Variants in PDIK1L observed in about 807,000 individuals in gnomAD.
The protein encoded by PDIK1L is PDLIM1 interacting kinase 1 like, also known as serine/threonine-protein kinase PDIK1L.
PDIK1L carries 9 observed loss-of-function variants against 27.1 expected under a neutral mutation model. The observed-to-expected ratio is 0.33, with a 90% confidence interval of 0.20 to 0.58. The LOEUF (loss-of-function observed/expected upper bound fraction) is 0.58. Ranked by LOEUF, PDIK1L falls within the 20% of genes least tolerant of loss-of-function variation. The pLI is 0.86. For missense variants in PDIK1L, 216 were observed against 413.2 expected, an observed-to-expected ratio of 0.52 and a Z score of 4.14; for synonymous variants, 130 against 141.7, an observed-to-expected ratio of 0.92 and a Z score of 0.59.
At chr1:26,116,650 T>C (rs1307131999) in intron 2 of PDIK1L, among the ~76,000 whole-genome samples, 1 of 152,238 alleles carries the variant, frequency 6.6e-6, no homozygotes, top group African/African-American at 2.4e-5. Flanking sequence ...AGTATTAGTC[T>C]TGAGAACTTA....
chr1:26,119,357 A>G (rs1489479484), intron 2 of PDIK1L, among the ~76,000 whole-genome samples: 2 of 151,722 alleles, frequency 1.3e-5, no homozygotes, highest in African/African-American at 4.8e-5. Context: ...GCGGTGAGCC[A>G]TGATGGTGCC....
Position 26,122,678 on chromosome 1 carries a change from C to A in PDIK1L, c.*101C>A. On this transcript the variant is annotated 3_prime_UTR_variant, in exon 3 of 3. Transcript: ENST00000374269. The surrounding 1 kb of genome is among the most constrained non-coding windows in gnomAD (Gnocchi z 5.4). ...AGAATATAAAAAGCTAGACTCTACCCTCTAAGGGTTTAGATTTTTTGTGGG... is the reference window on the plus strand; with the variant it reads ...AGAATATAAAAAGCTAGACTCTACCATCTAAGGGTTTAGATTTTTTGTGGG... 1 of 1,339,904 alleles carries A rather than the reference C, an allele frequency of 7.5e-7. No individual in the cohort carries two copies. Among genetic ancestry groups the A allele is most frequent in the Non-Finnish European group, 9.8e-7 (1 of 1,018,656 alleles). The allele number at this position is 1,339,904 out of a possible 1,614,324, so 83.0% of individuals were successfully genotyped here.
chr1:26,112,928 A>G lies in PDIK1L; in HGVS notation c.-18+1013A>G, dbSNP rs758166542. Among the ~76,000 whole-genome samples, 14 of 152,250 alleles carry G rather than the reference A, an allele frequency of 9.2e-5. 1 individual carries two copies. The highest frequency in any genetic ancestry group is 1.9e-4 in the Non-Finnish European group (13 of 68,034). On this transcript the variant is annotated intron_variant, in intron 1 of 2. Coordinates refer to ENST00000374269, the MANE Select transcript of PDIK1L (RefSeq NM_152835.5). ...AGGAAGCCCACTTTAGACTTTCTCCATTCAACACATGAGCATTTCTGTGCA... is the reference window on the plus strand; with the variant it reads ...AGGAAGCCCACTTTAGACTTTCTCCGTTCAACACATGAGCATTTCTGTGCA...
rs1217287526 is a variant in PDIK1L, at chr1:26,122,831, C to A, written c.*254C>A. 9.8e-6 allele frequency: 3 copies of A among 306,342 alleles called. No homozygotes were observed. The highest frequency in any genetic ancestry group is 2.2e-5 in the African/African-American group (1 of 46,144). The allele number at this position is 306,342 out of a possible 1,614,324, so 19.0% of individuals were successfully genotyped here. On this transcript the variant is annotated 3_prime_UTR_variant, in exon 3 of 3. Transcript: ENST00000374269. This position sits in a 1 kb window ranked among gnomAD's most constrained non-coding sequence, Gnocchi z 5.4. ...TTGATAGAAGTTTGGCAGGAAAATT[C>A]TTTAAGAGCTAACAAGAGAAGAGAG...
intron 1 of PDIK1L, among the ~76,000 whole-genome samples, chr1:26,113,157 CTG>C (rs1416876871): frequency 2.0e-5 from 3 of 152,214 alleles, no homozygotes; most frequent in African/African-American, 7.2e-5. Context: ...AAAAAGGTAA[CTG>C]TATTCTAAGT....
upstream of PDIK1L, chr1:26,111,222 G>A (rs548887594): frequency 1.3e-3 from 207 of 155,414 alleles, 1 homozygote; most frequent in African/African-American, 4.8e-3. The surrounding 1 kb of genome is among the most constrained non-coding windows in gnomAD (Gnocchi z 4.0). Context: ...CAACTGCACC[G>A]CCCGCAAACA....
Position 26,122,150 on chromosome 1 carries a change from C to T in PDIK1L, c.599C>T (p.Ser200Phe), listed in dbSNP as rs762807759. 13 of 1,614,156 alleles carry T rather than the reference C, an allele frequency of 8.1e-6. No individual in the cohort carries two copies. The highest frequency in any genetic ancestry group is 1.1e-5 in the Non-Finnish European group (13 of 1,180,036). ...GGTCTAAGTAAAGTTTGTTCAGCCT[C>T]TGGGCAGAACCCAGAAGAACCTGTC... Reference protein sequence around the residue: ...DFGLSKVCSASGQNPEEPVSV... With the variant: ...DFGLSKVCSAFGQNPEEPVSV... The change falls in exon 3 of 3, where the codon TCT (serine) becomes TTT (phenylalanine). Residue 200 changes from serine to phenylalanine, a missense_variant. Physicochemically the swap from Ser to Phe is radical, Grantham distance 155. Coordinates refer to ENST00000374269, the MANE Select transcript of PDIK1L (RefSeq NM_152835.5). The surrounding 1 kb of genome is among the most constrained non-coding windows in gnomAD (Gnocchi z 5.4).
chr1:26,119,221 A>G (rs1029470949), intron 2 of PDIK1L, among the ~76,000 whole-genome samples: 8 of 151,948 alleles, frequency 5.3e-5, no homozygotes, highest in Non-Finnish European at 1.0e-4. Context: ...TAGCCTGGAC[A>G]ACATGGTGAA....
chr1:26,119,403 GTCTCTC>G (rs56711335), intron 2 of PDIK1L, among the ~76,000 whole-genome samples: 3,943 of 149,010 alleles, frequency 0.026, 171 homozygotes, highest in African/African-American at 0.091. Flanking sequence ...GCAAGACCTT[GTCTCTC>G]TCTCTCTCTC....
intron 1 of PDIK1L, chr1:26,112,375 C>T (rs2087812408): frequency 6.6e-6 from 1 of 152,290 alleles, no homozygotes; most frequent in African/African-American, 2.4e-5. Context: ...CACTTTCGGT[C>T]GAAAGTCACT....
chr1:26,114,231 G>A lies in PDIK1L; in HGVS notation c.-17-61G>A, dbSNP rs2124468199. On this transcript the variant is annotated intron_variant, in intron 1 of 2. Transcript: ENST00000374269. The surrounding 1 kb of genome is among the most constrained non-coding windows in gnomAD (Gnocchi z 4.8). Reference sequence around the variant, plus strand: ...CAGATGACAAGTAAATCATACATAAGAAGAAATACAAGCCAGTAGGTATAC... The same window carrying A: ...CAGATGACAAGTAAATCATACATAAAAAGAAATACAAGCCAGTAGGTATAC... 1.4e-6 allele frequency: 2 copies of A among 1,444,724 alleles called. No individual in the cohort carries two copies. The highest frequency in any genetic ancestry group is 4.8e-5 in the East Asian group (2 of 41,888). 89.5% of individuals were successfully genotyped at this position (1,444,724 alleles called of 1,614,324 possible).
chr1:26,121,899 G>T lies in PDIK1L; in HGVS notation c.348G>T (p.Trp116Cys). 2 of 1,613,930 alleles carry T rather than the reference G, an allele frequency of 1.2e-6. No individual in the cohort carries two copies. Among genetic ancestry groups the T allele is most frequent in the Non-Finnish European group, 1.7e-6 (2 of 1,179,954 alleles). Residue 116 changes from tryptophan (W) to cysteine (C), a missense_variant, in exon 3 of 3, where the codon TGG becomes TGT. Physicochemically the swap from Trp to Cys is radical, Grantham distance 215. Around this residue, in one of 2 missense-constraint regions of PDIK1L, gnomAD observed 169 missense variants for 366.0 expected, o/e 0.46. Coordinates refer to ENST00000374269, the MANE Select transcript of PDIK1L (RefSeq NM_152835.5). Reference protein sequence around the residue: ...AFDPRSAYYLWFVMDFCDGGD... With the variant: ...AFDPRSAYYLCFVMDFCDGGD... Reference sequence around the variant, plus strand: ...ATCCCAGAAGCGCCTATTATTTGTGGTTTGTGATGGATTTTTGTGACGGAG... The same window carrying T: ...ATCCCAGAAGCGCCTATTATTTGTGTTTTGTGATGGATTTTTGTGACGGAG...
intron 1 of PDIK1L, among the ~76,000 whole-genome samples, chr1:26,112,208 G>A (rs1223498991): frequency 1.3e-5 from 2 of 152,232 alleles, no homozygotes; most frequent in African/African-American, 4.8e-5. Flanking sequence ...CGGCCGAGGA[G>A]GGGGAGGGCC....
At chr1:26,113,683 G>T (rs141947974) in intron 1 of PDIK1L, among the ~76,000 whole-genome samples, 2 of 152,028 alleles carry the variant, frequency 1.3e-5, no homozygotes, top group Admixed American at 1.3e-4. Flanking sequence ...TCACTTTCAG[G>T]CCTTAAGCAT....
chr1:26,120,088 C>G, intron 2 of PDIK1L, among the ~76,000 whole-genome samples: 1 of 152,316 alleles, frequency 6.6e-6, no homozygotes, highest in South Asian at 2.1e-4. Flanking sequence ...TTCCATAGCT[C>G]TCAGCCAGCG....
At chr1:26,118,287 C>G (rs1247489201) in intron 2 of PDIK1L, among the ~76,000 whole-genome samples, 1 of 152,192 alleles carries the variant, frequency 6.6e-6, no homozygotes, top group African/African-American at 2.4e-5. Context: ...CACCACTGCA[C>G]TCTAGCCTTT....
In PDIK1L at chr1:26,114,920, A is replaced by G. The variant is rs189037273; in HGVS notation, c.285+327A>G. 1.2e-3 allele frequency among the ~76,000 whole-genome samples: 179 copies of G among 152,298 alleles called. 2 individuals carry two copies. Among genetic ancestry groups the G allele is most frequent in the African/African-American group, 4.3e-3 (178 of 41,562 alleles). Reference sequence around the variant, plus strand: ...ATTTCTTTGAAATCAATAATTTTGGACTTGAGGACAGAAGAAAAGGAAAAA... The same window carrying G: ...ATTTCTTTGAAATCAATAATTTTGGGCTTGAGGACAGAAGAAAAGGAAAAA... On this transcript the variant is annotated intron_variant, in intron 2 of 2. Coordinates refer to ENST00000374269, the MANE Select transcript of PDIK1L (RefSeq NM_152835.5). The surrounding 1 kb of genome is among the most constrained non-coding windows in gnomAD (Gnocchi z 4.8).
intron 2 of PDIK1L, among the ~76,000 whole-genome samples, chr1:26,120,166 T>G (rs1052501392): frequency 6.6e-6 from 1 of 152,180 alleles, no homozygotes; most frequent in Non-Finnish European, 1.5e-5. Flanking sequence ...TTAAGACTTC[T>G]GGGGGTAAAA....
chr1:26,115,144 T>C (rs139294829), intron 2 of PDIK1L, among the ~76,000 whole-genome samples: 6 of 152,366 alleles, frequency 3.9e-5, no homozygotes, highest in East Asian at 3.9e-4. Context: ...TTGCATGCAG[T>C]TCGATGCTCT....
Sources: gnomAD v4.1 joint callset for allele counts (sites outside exome capture counted in the v4.1 genomes callset) on GRCh38, gnomAD v4.1.1 for gene constraint, gnomAD v4.1.1 regional missense constraint, Gnocchi (gnomAD v3.1) non-coding constraint, MANE v1.5 for transcripts, NCBI Gene and HGNC (gene_info 2026-07-23, HGNC 2026-07-21) for gene names.